The following SESN1 variants were observed in gnomAD, a reference collection of about 807,000 sequenced individuals.
SESN1 encodes sestrin-1.
A neutral mutation model predicts 59.3 loss-of-function variants in SESN1; 30 were observed. The ratio of observed to expected loss-of-function variants is 0.51; its 90% CI spans 0.38 to 0.69. The LOEUF (loss-of-function observed/expected upper bound fraction) is 0.69. Ranked by LOEUF, SESN1 falls within the 30% of genes least tolerant of loss-of-function variation. The probability of loss-of-function intolerance (pLI) is 0.00; values close to 1 mark genes in which losing one functional copy is unlikely to be tolerated. For missense variants in SESN1, 566 were observed against 673.0 expected (o/e 0.84, Z 1.76); for synonymous variants, 197 against 219.9 (o/e 0.90, Z 0.92).
At chr6:109,043,131 A>G (rs1389342685) in intron 1 of SESN1, among the ~76,000 whole-genome samples, 2 of 152,160 alleles carry the variant, frequency 1.3e-5, no homozygotes, top group Non-Finnish European at 2.9e-5. Context: ...CATTTGAGTA[A>G]ATTTAACACT....
rs566042157 is a variant in SESN1, at chr6:108,992,610, C to G, written c.1233+177G>C. Reference sequence around the variant, plus strand: ...TTTTTAAGATATACATACATTGAAACTACAGTATGATTCCATGGATGAATT... The same window carrying G: ...TTTTTAAGATATACATACATTGAAAGTACAGTATGATTCCATGGATGAATT... On this transcript the variant is annotated intron_variant, in intron 7 of 9. Transcript: ENST00000436639. Among the ~76,000 whole-genome samples, 8 of 152,248 alleles carry G rather than the reference C, an allele frequency of 5.3e-5. No individual in the cohort carries two copies. The East Asian group carries it at 1.5e-3, about 29-fold the overall frequency.
At chr6:109,012,995 A>T (rs929707990) in intron 1 of SESN1, among the ~76,000 whole-genome samples, 5 of 152,018 alleles carry the variant, frequency 3.3e-5, no homozygotes, top group Non-Finnish European at 7.4e-5. Context: ...GTGCGCCTGT[A>T]GTCCCAGCTA....
Position 108,985,586 on chromosome 6 carries a change from C to A in SESN1, c.*1958G>T, listed in dbSNP as rs1015537832. On this transcript the variant is annotated 3_prime_UTR_variant, in exon 10 of 10. Transcript: ENST00000436639. ...TTAGGTATAAACATATTTTTTAACT[C>A]ATTAAAATTTTGATTTCAATTTCTA... Among the ~76,000 whole-genome samples, 1 of 152,166 alleles carries A rather than the reference C, an allele frequency of 6.6e-6. No homozygotes were observed. Among genetic ancestry groups the A allele is most frequent in the African/African-American group, 2.4e-5 (1 of 41,444 alleles).
chr6:109,038,917 G>A (rs1004482614), intron 1 of SESN1, among the ~76,000 whole-genome samples: 2 of 150,548 alleles, frequency 1.3e-5, no homozygotes, highest in Non-Finnish European at 3.0e-5. Context: ...AAGGAAGGAG[G>A]AGGAGGAGGA....
intron 1 of SESN1, among the ~76,000 whole-genome samples, chr6:109,092,768 C>A (rs947779341): frequency 6.6e-6 from 1 of 152,106 alleles, no homozygotes; most frequent in East Asian, 1.9e-4. Flanking sequence ...TAATTCCTCT[C>A]GGGTAACTCT....
intron 1 of SESN1, among the ~76,000 whole-genome samples, chr6:109,076,571 A>G (rs1781035798): frequency 6.6e-6 from 1 of 152,170 alleles, no homozygotes; most frequent in South Asian, 2.1e-4. Context: ...TCATACAGGC[A>G]CTGACAGATG....
intron 1 of SESN1, among the ~76,000 whole-genome samples, chr6:109,054,835 T>C (rs1365551754): frequency 6.6e-6 from 1 of 152,252 alleles, no homozygotes; most frequent in Non-Finnish European, 1.5e-5. Context: ...TAAGGTACTT[T>C]TTGATGTACT....
chr6:109,017,847 T>C (rs1449956177), intron 1 of SESN1, among the ~76,000 whole-genome samples: 1 of 152,166 alleles, frequency 6.6e-6, no homozygotes, highest in Non-Finnish European at 1.5e-5. Flanking sequence ...CAAACTTTAT[T>C]TCAGCTCTAA....
At chr6:109,065,398 T>C in intron 1 of SESN1, among the ~76,000 whole-genome samples, 1 of 152,314 alleles carries the variant, frequency 6.6e-6, no homozygotes, top group South Asian at 2.1e-4. Flanking sequence ...ATTTTTCCAA[T>C]ATTAAAAGAA....
At chr6:109,006,958 AACTGCC>A (rs1178254838) in intron 1 of SESN1, among the ~76,000 whole-genome samples, 2 of 152,230 alleles carry the variant, frequency 1.3e-5, no homozygotes, top group African/African-American at 4.8e-5. Context: ...TAGGAGACAG[AACTGCC>A]ACCAACAAAT....
intron 1 of SESN1, chr6:109,009,557 G>T (rs1371946616): frequency 4.1e-6 from 4 of 969,444 alleles, no homozygotes; most frequent in Non-Finnish European, 4.7e-6. Flanking sequence ...ACGGACGGCG[G>T]GGGGGCGGGG....
At chr6:109,046,133 T>G (rs191185166) in intron 1 of SESN1, among the ~76,000 whole-genome samples, 2 of 152,146 alleles carry the variant, frequency 1.3e-5, no homozygotes, top group Admixed American at 6.5e-5. Flanking sequence ...ACGGTCTCCC[T>G]CTCATGCGGA....
At chr6:109,084,443 A>G (rs1781177789) in intron 1 of SESN1, among the ~76,000 whole-genome samples, 1 of 152,118 alleles carries the variant, frequency 6.6e-6, no homozygotes, top group African/African-American at 2.4e-5. Flanking sequence ...ATTCCCAGCC[A>G]CTTGGGAGGC....
intron 1 of SESN1, among the ~76,000 whole-genome samples, chr6:109,045,634 C>T (rs1327049426): frequency 2.0e-5 from 3 of 152,218 alleles, no homozygotes; most frequent in Non-Finnish European, 4.4e-5. Context: ...AGTCAGGCTT[C>T]AAGAGCCAGC....
intron 1 of SESN1, among the ~76,000 whole-genome samples, chr6:109,021,021 T>C (rs972273134): frequency 3.9e-5 from 6 of 152,280 alleles, no homozygotes; most frequent in African/African-American, 1.2e-4. Flanking sequence ...TTTTTAGAGA[T>C]AGGATTTTGC....
At position 109,056,119 on chromosome 6, in the gene SESN1, A is replaced by T. The variant is rs1780629501; in HGVS notation, c.279+37676T>A. On this transcript the variant is annotated intron_variant, in intron 1 of 9. Coordinates refer to ENST00000436639, the MANE Select transcript of SESN1 (RefSeq NM_014454.3). ...GAAACCACCACACTTTTAAAAGAGTAATTTTCACTGGGTGCAGTGACTCAT... is the reference window on the plus strand; with the variant it reads ...GAAACCACCACACTTTTAAAAGAGTTATTTTCACTGGGTGCAGTGACTCAT... Among the ~76,000 whole-genome samples, 3 of 152,332 alleles carry T rather than the reference A, an allele frequency of 2.0e-5. No individual in the cohort carries two copies. In the South Asian group the frequency reaches 6.2e-4, roughly 32 times the overall value.
At chr6:109,089,571 T>G (rs903727518) in intron 1 of SESN1, among the ~76,000 whole-genome samples, 17 of 152,166 alleles carry the variant, frequency 1.1e-4, no homozygotes, top group African/African-American at 3.9e-4. Context: ...CTATTTCTAC[T>G]TGGATGTCTC....
At chr6:109,000,453 C>A in intron 4 of SESN1, 38 bp downstream of exon 4, 1 of 1,399,906 alleles carries the variant, frequency 7.1e-7, no homozygotes, top group South Asian at 1.9e-5. Context: ...CTAAAAAAGT[C>A]TGAAATGACT....
rs1430210119 is a variant in SESN1 at position 108,998,669 on chromosome 6, G to C, written c.816C>G (p.Ala272=). 3 of 1,613,872 alleles carry C rather than the reference G, an allele frequency of 1.9e-6. No homozygotes were observed. The East Asian group carries it at 6.7e-5, about 36-fold the overall frequency. The part of the protein sequence containing the change: ...VVLLTHYHSL[A]SFTFGCGISP... ...TGATTCCACAGCCGAATGTGAATGA[G>C]GCAAGAGAATGATAGTGTGTGAGTA... Residue 272 remains alanine (A), a synonymous_variant, in exon 5 of 10, where the codon GCC becomes GCG. Transcript: ENST00000436639.
Sources: gnomAD v4.1 joint callset for allele counts (sites outside exome capture counted in the v4.1 genomes callset) on GRCh38, gnomAD v4.1.1 for gene constraint, MANE v1.5 for transcripts, NCBI Gene and HGNC (gene_info 2026-07-23, HGNC 2026-07-21) for gene names.